PCDHA12: variants seen among roughly 807,000 people sequenced by gnomAD.
PCDHA12 encodes protocadherin alpha 12, also known as protocadherin alpha-12.
Under a neutral mutation model 60.0 loss-of-function variants are expected in PCDHA12, and 44 were observed. The observed-to-expected ratio is 0.73, with a 90% CI of 0.58 to 0.94. PCDHA12 has a LOEUF of 0.94. PCDHA12 is among the 40% of genes least tolerant of loss of function. The pLI is 0.00. For synonymous variants in PCDHA12, 569 were observed against 553.0 expected (o/e 1.03, Z -0.40); for missense variants, 1,276 against 1,239.7 (o/e 1.03, Z -0.44).
Position 140,978,953 on chromosome 5 carries a change from G to A in PCDHA12, c.2372G>A (p.Arg791Gln), listed in dbSNP as rs781913955. The A allele has an allele frequency of 1.4e-5, 23 of 1,613,930 alleles. No homozygotes were observed. In the South Asian group the frequency reaches 2.0e-4, roughly 14 times the overall value. Residue 791 changes from arginine to glutamine, a missense_variant, in exon 2 of 4, where the codon CGA becomes CAA. Arg to Gln is a conservative substitution (Grantham distance 43, BLOSUM62 1). Transcript: ENST00000398631. ...EDCLNPPSEP[R>Q]QPNPDWRYSA... ...ACTCTCTTTGTGATTTTGCAGCCAC[G>A]ACAGCCCAACCCTGACTGGCGTTAC...
intron 1 of PCDHA12, among the ~76,000 whole-genome samples, chr5:140,933,321 C>T (rs1266539168): frequency 2.6e-5 from 4 of 151,928 alleles, no homozygotes; most frequent in Non-Finnish European, 5.9e-5. Context: ...CTCGTATTCT[C>T]CTGTGCTGTA....
chr5:140,945,430 T>C (rs1389561787), intron 1 of PCDHA12, among the ~76,000 whole-genome samples: 2 of 152,082 alleles, frequency 1.3e-5, no homozygotes, highest in African/African-American at 4.8e-5. Flanking sequence ...ATGAAGTTTT[T>C]ACAGAAATAT....
chr5:141,000,913 A>G (rs967026969), intron 3 of PCDHA12, among the ~76,000 whole-genome samples: 1 of 152,218 alleles, frequency 6.6e-6, no homozygotes, highest in African/African-American at 2.4e-5. Context: ...GTCTCTAAAA[A>G]AAAAAATCCT....
intron 1 of PCDHA12, among the ~76,000 whole-genome samples, chr5:140,910,365 A>G (rs1554194228): frequency 6.6e-6 from 1 of 152,164 alleles, no homozygotes; most frequent in Non-Finnish European, 1.5e-5. Flanking sequence ...TATGGTAGCT[A>G]TGCCCACCTT....
intron 1 of PCDHA12, among the ~76,000 whole-genome samples, chr5:140,969,881 G>A (rs1554232131): frequency 6.6e-6 from 1 of 152,196 alleles, no homozygotes; most frequent in African/African-American, 2.4e-5. Context: ...CTATGTGATA[G>A]GATCCTCTGG....
chr5:140,891,637 G>A (rs1245368138), intron 1 of PCDHA12, among the ~76,000 whole-genome samples: 1 of 151,912 alleles, frequency 6.6e-6, no homozygotes, highest in East Asian at 1.9e-4. Context: ...TGCTCTTTGG[G>A]CTTTATTGTG....
chr5:141,007,395 CAAAAAA>C (rs35800918), intron 3 of PCDHA12, among the ~76,000 whole-genome samples: 3 of 94,844 alleles, frequency 3.2e-5, no homozygotes, highest in East Asian at 2.9e-4. Flanking sequence ...TACTAAAATA[CAAAAAA>C]AAAAAAAAAA....
rs373518493 is a variant in PCDHA12, at chr5:140,883,950, A to T, written c.2367+6111A>T. 129 of 1,613,288 alleles carry T rather than the reference A, an allele frequency of 8.0e-5. 1 individual carries two copies. In the East Asian group the frequency reaches 1.2e-3, roughly 15 times the overall value. Reference sequence around the variant, plus strand: ...GTGTTCGTGCTGGACGAGAACGACAACGCTCCGGCGCTGCTGACGCCCGGG... The same window carrying T: ...GTGTTCGTGCTGGACGAGAACGACATCGCTCCGGCGCTGCTGACGCCCGGG... On this transcript the variant is annotated intron_variant, in intron 1 of 3. Coordinates refer to ENST00000398631, the MANE Select transcript of PCDHA12 (RefSeq NM_018903.4).
chr5:140,927,306 G>T (rs782091835), intron 1 of PCDHA12: 10 of 1,614,040 alleles, frequency 6.2e-6, no homozygotes, highest in Non-Finnish European at 5.9e-6. Context: ...AGTTCCTGAC[G>T]CCCGGAGCCC....
rs116326633 is a variant in PCDHA12 at position 141,003,488 on chromosome 5, G to A, written c.2516-6139G>A. Reference sequence around the variant, plus strand: ...CACCACAGTCTCGCTAATTTTTATAGTTTTAGTAGAGATGGGGTTTCACCA... The same window carrying A: ...CACCACAGTCTCGCTAATTTTTATAATTTTAGTAGAGATGGGGTTTCACCA... On this transcript the variant is annotated intron_variant, in intron 3 of 3. Transcript: ENST00000398631. 8.1e-3 allele frequency among the ~76,000 whole-genome samples: 1,225 copies of A among 152,062 alleles called. 19 individuals are homozygous for A. The highest frequency in any genetic ancestry group is 0.028 in the African/African-American group (1,155 of 41,502).
intron 3 of PCDHA12, among the ~76,000 whole-genome samples, chr5:141,006,959 A>G (rs2098296620): frequency 6.6e-6 from 1 of 152,142 alleles, no homozygotes; most frequent in East Asian, 1.9e-4. Context: ...GTTATACATG[A>G]GATTGGAGCA....
chr5:140,966,859 G>A, intron 1 of PCDHA12: 1 of 1,577,136 alleles, frequency 6.3e-7, no homozygotes. Flanking sequence ...TCCTGCTGCT[G>A]TTGCTGCTGC....
intron 1 of PCDHA12, chr5:140,927,356 G>C: frequency 6.2e-7 from 1 of 1,614,076 alleles, no homozygotes. Context: ...GACGAGGGAA[G>C]CAATGGGATA....
intron 3 of PCDHA12, among the ~76,000 whole-genome samples, chr5:140,992,700 G>A (rs2097525204): frequency 6.6e-6 from 1 of 152,162 alleles, no homozygotes; most frequent in Non-Finnish European, 1.5e-5. Flanking sequence ...GGTGGGTAAT[G>A]TTCCTGCCAG....
intron 1 of PCDHA12, among the ~76,000 whole-genome samples, chr5:140,896,345 C>T (rs113477424): frequency 0.12 from 18,881 of 152,098 alleles, 1,242 homozygotes; most frequent in Middle Eastern, 0.19. Flanking sequence ...TTTATATTCC[C>T]GCCAGCAGTG....
chr5:140,998,003 T>C (rs2097793100), intron 3 of PCDHA12, among the ~76,000 whole-genome samples: 1 of 152,134 alleles, frequency 6.6e-6, no homozygotes, highest in Admixed American at 6.6e-5. Context: ...CCTCTGAGCC[T>C]TCCATCCCCA....
intron 1 of PCDHA12, among the ~76,000 whole-genome samples, chr5:140,891,205 A>G (rs561238636): frequency 3.3e-5 from 5 of 152,120 alleles, no homozygotes; most frequent in African/African-American, 1.2e-4. Context: ...CAGTTTTACC[A>G]TGCTGTGTCT....
intron 1 of PCDHA12, chr5:140,882,011 ATAC>A (rs1437092618): frequency 3.8e-6 from 2 of 531,314 alleles, no homozygotes; most frequent in Admixed American, 3.8e-5. Flanking sequence ...GGGCAAAAAA[ATAC>A]TACATCAATG....
intron 1 of PCDHA12, among the ~76,000 whole-genome samples, chr5:140,957,854 T>C (rs2095390646): frequency 6.6e-6 from 1 of 151,872 alleles, no homozygotes; most frequent in Non-Finnish European, 1.5e-5. Context: ...GTTTGTGTAT[T>C]TTTTTTCCTA....
Sources: gnomAD v4.1 joint callset for allele counts (sites outside exome capture counted in the v4.1 genomes callset) on GRCh38, gnomAD v4.1.1 for gene constraint, MANE v1.5 for transcripts, NCBI Gene and HGNC (gene_info 2026-07-23, HGNC 2026-07-21) for gene names.